Variants in ANKAR observed in about 807,000 individuals in gnomAD.
ANKAR encodes ankyrin and armadillo repeat containing.
ANKAR carries 136 observed loss-of-function variants against 146.2 expected under a neutral mutation model. The ratio of observed to expected loss-of-function variants is 0.93; its 90% CI spans 0.81 to 1.07. ANKAR has a LOEUF of 1.07. Among genes scored for constraint, ANKAR ranks in the 50% least tolerant of loss-of-function variants. The pLI is 0.00. For synonymous variants in ANKAR, 500 were observed against 575.8 expected, an observed-to-expected ratio of 0.87 and a Z score of 1.88; for missense variants, 1,567 against 1,679.9, an observed-to-expected ratio of 0.93 and a Z score of 1.18.
chr2:189,676,431 A>C, intron 1 of ANKAR, 25 bp from the exon 2 acceptor site: 1 of 1,454,722 alleles, frequency 6.9e-7, no homozygotes, highest in Non-Finnish European at 9.0e-7. Context: ...TTTATTGATA[A>C]TCTTTTCCTT....
chr2:189,754,178 A>G, intron 18 of ANKAR: 2 of 1,613,814 alleles, frequency 1.2e-6, no homozygotes, highest in Non-Finnish European at 1.7e-6. Context: ...TTTTATCAGT[A>G]ACGTGTTGAA....
chr2:189,699,746 G>A (rs1028104193), intron 7 of ANKAR, among the ~76,000 whole-genome samples: 1 of 152,110 alleles, frequency 6.6e-6, no homozygotes, highest in Non-Finnish European at 1.5e-5. Flanking sequence ...TGCAACTTCC[G>A]CCTCCCGGCC....
At chr2:189,676,048 T>G (rs1286063772) in intron 1 of ANKAR, 3 of 166,760 alleles carry the variant, frequency 1.8e-5, no homozygotes, top group Non-Finnish European at 3.9e-5. Context: ...GTGAGCCAAA[T>G]AAACCTCTTT....
At position 189,752,865 on chromosome 2, in the gene ANKAR, C is replaced by T. The variant is rs774343385; in HGVS notation, c.*584+8077C>T. 3.1e-6 allele frequency: 5 copies of T among 1,613,634 alleles called. No homozygotes were observed. The South Asian group carries it at 4.4e-5, about 14-fold the overall frequency. The stretch of plus-strand genomic sequence containing the variant: ...GTGGCTTACCATGCAATCATAATGC[C>T]ATTATCAGTGCATAGTCTGGGAGGA... On this transcript the variant is annotated intron_variant and NMD_transcript_variant, in intron 18 of 18. Transcript: ENST00000441800.
At chr2:189,675,666 C>T (rs2033489557) in intron 1 of ANKAR, among the ~76,000 whole-genome samples, 1 of 152,082 alleles carries the variant, frequency 6.6e-6, no homozygotes, top group Non-Finnish European at 1.5e-5. Flanking sequence ...TTCTTTCATG[C>T]AGGTCAGTAT....
intron 9 of ANKAR, among the ~76,000 whole-genome samples, chr2:189,710,556 T>C (rs993325213): frequency 2.6e-5 from 4 of 152,306 alleles, no homozygotes; most frequent in East Asian, 3.9e-4. Flanking sequence ...TCCTACCACT[T>C]TGGGAGGCCA....
chr2:189,701,053 G>A (rs540617934), intron 7 of ANKAR, among the ~76,000 whole-genome samples: 2 of 152,228 alleles, frequency 1.3e-5, no homozygotes, highest in South Asian at 2.1e-4. Context: ...ATATGCCTCG[G>A]TGTAGTTTTT....
chr2:189,691,726 A>AT (rs1457044671), intron 3 of ANKAR, among the ~76,000 whole-genome samples: 2 of 149,318 alleles, frequency 1.3e-5, no homozygotes, highest in African/African-American at 4.9e-5. Flanking sequence ...ATATATATAT[A>AT]ATATATAAAC....
At chr2:189,687,428 G>A (rs1477088967) in intron 2 of ANKAR, among the ~76,000 whole-genome samples, 2 of 152,326 alleles carry the variant, frequency 1.3e-5, no homozygotes, top group Non-Finnish European at 2.9e-5. Context: ...AAACGTGGGA[G>A]TGCAGATACC....
chr2:189,734,378 G>A (rs950948853), intron 17 of ANKAR, among the ~76,000 whole-genome samples: 5 of 152,048 alleles, frequency 3.3e-5, no homozygotes, highest in Non-Finnish European at 4.4e-5. Flanking sequence ...TTCCTTCTAC[G>A]TTTATTAGTT....
At chr2:189,714,652 C>T (rs1414676048) in intron 10 of ANKAR, among the ~76,000 whole-genome samples, 1 of 151,954 alleles carries the variant, frequency 6.6e-6, no homozygotes, top group East Asian at 1.9e-4. Flanking sequence ...GCCCACAAGA[C>T]AAAGCAGGAA....
At position 189,733,107 on chromosome 2, in the gene ANKAR, G is replaced by T; in HGVS notation, c.3301G>T (p.Val1101Phe). Residue 1101 changes from valine (V) to phenylalanine (F), a missense_variant and splice_region_variant, in exon 17 of 23, where the codon GTT becomes TTT. Physicochemically the swap from Val to Phe is conservative, Grantham distance 50 (BLOSUM62 -1). Transcript: ENST00000684021. The stretch of plus-strand genomic sequence containing the variant: ...TAATTTCTGAAAACCACATGTTTAG[G>T]TTGAAGTGGCATTTTCCTTGGCATG... ...LRNHPSPNIK[V>F]EVAFSLACIV... 1 of 1,600,142 alleles carries T rather than the reference G, an allele frequency of 6.2e-7. No individual in the cohort carries two copies. The highest frequency in any genetic ancestry group is 1.7e-4 in the Middle Eastern group (1 of 6,002).
chr2:189,694,345 G>A (rs371258012), intron 5 of ANKAR, among the ~76,000 whole-genome samples: 22 of 152,160 alleles, frequency 1.4e-4, no homozygotes, highest in Non-Finnish European at 5.9e-5. Flanking sequence ...AGTATTCACC[G>A]CTGAAATCCG....
At chr2:189,762,922 C>G, downstream of ANKAR, 1 of 985,370 alleles carries the variant, frequency 1.0e-6, no homozygotes, top group Non-Finnish European at 1.2e-6. Flanking sequence ...GCATTTCCCC[C>G]AGATTTGCAG....
downstream of ANKAR, chr2:189,761,358 T>C: frequency 6.5e-7 from 1 of 1,529,900 alleles, no homozygotes; most frequent in Non-Finnish European, 8.8e-7. Context: ...ATATGACAAA[T>C]ACAAAAGAAT....
rs1306152095 is a variant in ANKAR at position 189,694,988 on chromosome 2, G to A, written c.1315G>A (p.Val439Met). 1.3e-6 allele frequency: 2 copies of A among 1,499,686 alleles called. No homozygotes were observed. Among genetic ancestry groups the A allele is most frequent in the Admixed American group, 2.1e-5 (1 of 47,162 alleles). 92.9% of individuals were successfully genotyped at this position (1,499,686 alleles called of 1,614,324 possible). The change falls in exon 6 of 23, where the codon GTG (valine) becomes ATG (methionine). Residue 439 changes from valine (V) to methionine (M), a missense_variant. Transcript: ENST00000684021. ...TTTCTTTATTTTTTATAGCTACTATGTGATCTATTTTGAACTAGAAACTTT... is the reference window on the plus strand; with the variant it reads ...TTTCTTTATTTTTTATAGCTACTATATGATCTATTTTGAACTAGAAACTTT... ...VMEFHGKSYY[V>M]IYFELETFYQ... is the part of the protein sequence containing the mutation.
At chr2:189,746,010 AG>A (rs1467268283) in intron 22 of ANKAR, among the ~76,000 whole-genome samples, 1 of 152,260 alleles carries the variant, frequency 6.6e-6, no homozygotes, top group Non-Finnish European at 1.5e-5. Context: ...ACAGGTTTGT[AG>A]TAACATAAGA....
intron 18 of ANKAR, among the ~76,000 whole-genome samples, chr2:189,753,489 A>G (rs558020292): frequency 2.2e-4 from 33 of 152,206 alleles, no homozygotes; most frequent in Non-Finnish European, 4.3e-4. Flanking sequence ...GTGGATTATC[A>G]GAACTTTATC....
chr2:189,762,268 C>G (rs554722283), downstream of ANKAR, among the ~76,000 whole-genome samples: 1 of 152,294 alleles, frequency 6.6e-6, no homozygotes, highest in South Asian at 2.1e-4. Flanking sequence ...AAAATAATAG[C>G]AGCCCATCAC....
Sources: gnomAD v4.1 joint callset for allele counts (sites outside exome capture counted in the v4.1 genomes callset) on GRCh38, gnomAD v4.1.1 for gene constraint, MANE v1.5 for transcripts, NCBI Gene and HGNC (gene_info 2026-07-23, HGNC 2026-07-21) for gene names.